The following AGK variants were observed in gnomAD, a reference collection of about 807,000 sequenced individuals.
AGK encodes the protein acylglycerol kinase, mitochondrial.
Under a neutral mutation model 66.4 loss-of-function variants are expected in AGK, and 52 were observed. That is an observed-to-expected ratio of 0.78 (90% CI 0.63 to 0.99). The LOEUF (loss-of-function observed/expected upper bound fraction) is 0.99. AGK is among the 50% of genes least tolerant of loss of function. The pLI is 0.00. For missense variants in AGK, 451 were observed against 506.6 expected (o/e 0.89, Z 1.05); for synonymous variants, 182 against 181.1 (o/e 1.00, Z -0.04).
At chr7:141,552,185 T>C (rs903568542) in intron 1 of AGK, among the ~76,000 whole-genome samples, 2 of 152,256 alleles carry the variant, frequency 1.3e-5, no homozygotes, top group Non-Finnish European at 1.5e-5. Context: ...AACTTCCTAA[T>C]GGTTCTCTTT....
rs970134804 is a variant in AGK at position 141,646,232 on chromosome 7, C to A, written c.976-3031C>A. ...GGTTTACGGAGGTGTCCTCTGGAAT[C>A]TTCAGCTGAGTACTGACAGGTGCAT... On this transcript the variant is annotated intron_variant, in intron 13 of 15. Coordinates refer to ENST00000649286, the MANE Select transcript of AGK (RefSeq NM_018238.4). Among the ~76,000 whole-genome samples, 3 of 152,160 alleles carry A rather than the reference C, an allele frequency of 2.0e-5. No individual in the cohort carries two copies. The South Asian group carries it at 6.2e-4, about 32-fold the overall frequency.
At position 141,619,256 on chromosome 7, in the gene AGK, A is replaced by G. The variant is rs890806973; in HGVS notation, c.519-2476A>G. ...ATAATCAAAATAATTTTGAAAAAGAACAAAGTTTAAGGATTTACCCTATCT... is the reference window on the plus strand; with the variant it reads ...ATAATCAAAATAATTTTGAAAAAGAGCAAAGTTTAAGGATTTACCCTATCT... On this transcript the variant is annotated intron_variant, in intron 8 of 15. Coordinates refer to ENST00000649286, the MANE Select transcript of AGK (RefSeq NM_018238.4). 5.9e-5 allele frequency among the ~76,000 whole-genome samples: 9 copies of G among 152,168 alleles called. 1 individual carries two copies. Among genetic ancestry groups the G allele is most frequent in the African/African-American group, 2.2e-4 (9 of 41,454 alleles).
At chr7:141,571,867 T>C (rs748170960) in intron 2 of AGK, among the ~76,000 whole-genome samples, 6 of 152,186 alleles carry the variant, frequency 3.9e-5, no homozygotes, top group Non-Finnish European at 8.8e-5. Flanking sequence ...CAAAGAAAGC[T>C]CTCAGACAGA....
At chr7:141,586,613 A>G (rs1260945557) in intron 2 of AGK, among the ~76,000 whole-genome samples, 2 of 152,188 alleles carry the variant, frequency 1.3e-5, no homozygotes, top group Non-Finnish European at 2.9e-5. Context: ...GTGGTGGGGT[A>G]AGGGCATGGG....
chr7:141,609,003 T>A (rs1213510160), intron 5 of AGK, among the ~76,000 whole-genome samples: 8 of 152,208 alleles, frequency 5.3e-5, no homozygotes, highest in Admixed American at 5.2e-4. Flanking sequence ...TACATTTTTT[T>A]AAAAGTCAAA....
chr7:141,574,658 G>A (rs1208032081), intron 2 of AGK, among the ~76,000 whole-genome samples: 2 of 152,298 alleles, frequency 1.3e-5, no homozygotes, highest in African/African-American at 4.8e-5. Flanking sequence ...GCCTCCAGGC[G>A]ATACATTTTT....
chr7:141,652,639 A>G lies in AGK; in HGVS notation c.1132-148A>G, dbSNP rs577814814. 362 of 755,896 alleles carry G rather than the reference A, an allele frequency of 4.8e-4. 3 individuals are homozygous for G. In the South Asian group the frequency reaches 7.5e-3, roughly 16 times the overall value. The allele number at this position is 755,896 out of a possible 1,614,324, so 46.8% of individuals were successfully genotyped here. A position where few individuals can be genotyped will look rare whatever the true frequency, so the allele number is the denominator to read the frequency against. On this transcript the variant is annotated intron_variant, in intron 15 of 15. Transcript: ENST00000649286. ...CTGTGCCCATCGTAGTAGGCACTGA[A>G]TTTTTTTTTGTAAAAGAACATTAGG...
intron 14 of AGK, chr7:141,650,488 A>T: frequency 1.0e-6 from 1 of 985,316 alleles, no homozygotes; most frequent in Non-Finnish European, 1.2e-6. Context: ...GAAATCAAGT[A>T]ATGTCTGTTT....
chr7:141,635,227 T>C (rs1797144796), intron 10 of AGK, among the ~76,000 whole-genome samples: 2 of 152,212 alleles, frequency 1.3e-5, no homozygotes, highest in Non-Finnish European at 2.9e-5. Flanking sequence ...CTGATTGTTA[T>C]TATGTGCTAC....
chr7:141,590,449 G>C (rs375791674), intron 2 of AGK, among the ~76,000 whole-genome samples: 2 of 152,174 alleles, frequency 1.3e-5, no homozygotes, highest in African/African-American at 4.8e-5. Context: ...TGAAAGCAGT[G>C]GCCGGTGGGA....
At chr7:141,597,751 CGTG>C in intron 4 of AGK, among the ~76,000 whole-genome samples, 1 of 151,362 alleles carries the variant, frequency 6.6e-6, no homozygotes, top group Non-Finnish European at 1.5e-5. Context: ...ATTAGACACA[CGTG>C]GTAGCATTTA....
At chr7:141,583,937 C>G (rs544753796) in intron 2 of AGK, among the ~76,000 whole-genome samples, 37 of 151,888 alleles carry the variant, frequency 2.4e-4, no homozygotes, top group African/African-American at 8.7e-4. Flanking sequence ...GCTGGTTGGT[C>G]TGAGGACCTG....
chr7:141,596,650 G>A lies in AGK; in HGVS notation c.221+9G>A, dbSNP rs200123164. On this transcript the variant is annotated intron_variant, in intron 4 of 15. Transcript: ENST00000649286. ...CCTGCAGCTTGCAAAGGGTAGTTCC[G>A]TTTGTGACTTGTTATATACTTGCTT... The A allele has an allele frequency of 3.6e-5, 58 of 1,612,146 alleles. 2 individuals carry two copies. The highest frequency in any genetic ancestry group is 3.5e-4 in the South Asian group (32 of 90,990).
rs1224379252 is a variant in AGK at position 141,603,828 on chromosome 7, C to G, written c.297+2548C>G. 2.6e-5 allele frequency among the ~76,000 whole-genome samples: 4 copies of G among 152,302 alleles called. No individual in the cohort carries two copies. In the East Asian group the frequency reaches 7.7e-4, roughly 29 times the overall value. On this transcript the variant is annotated intron_variant, in intron 5 of 15. Transcript: ENST00000649286. ...TATCTTGACATGGTAGCTCGGTTCC[C>G]TGAAGTCAGTTACAGATATCCTCTA...
intron 13 of AGK, among the ~76,000 whole-genome samples, chr7:141,647,921 T>G (rs1346934612): frequency 6.6e-6 from 1 of 152,222 alleles, no homozygotes. Context: ...TCCGCCCGCC[T>G]CGGCCTCCCA....
intron 2 of AGK, among the ~76,000 whole-genome samples, chr7:141,558,724 A>G (rs1795272609): frequency 1.3e-5 from 2 of 152,138 alleles, no homozygotes; most frequent in South Asian, 2.1e-4. Context: ...ATTGTGGCTC[A>G]TCATTTTACA....
intron 4 of AGK, among the ~76,000 whole-genome samples, chr7:141,600,651 T>A (rs1281918986): frequency 6.6e-6 from 1 of 152,220 alleles, no homozygotes; most frequent in Non-Finnish European, 1.5e-5. Flanking sequence ...ACGCTTCCAG[T>A]CTAGTCCTGA....
At chr7:141,633,274 G>A (rs1797097428) in intron 9 of AGK, among the ~76,000 whole-genome samples, 1 of 152,098 alleles carries the variant, frequency 6.6e-6, no homozygotes, top group Non-Finnish European at 1.5e-5. Flanking sequence ...AAGGTTCAGG[G>A]TAGAGTATAA....
chr7:141,578,370 C>A (rs1243631794), intron 2 of AGK, among the ~76,000 whole-genome samples: 3 of 151,840 alleles, frequency 2.0e-5, no homozygotes, highest in African/African-American at 4.9e-5. Flanking sequence ...CAGGGACCGG[C>A]CATTTTCACT....
Sources: gnomAD v4.1 joint callset for allele counts (sites outside exome capture counted in the v4.1 genomes callset) on GRCh38, gnomAD v4.1.1 for gene constraint, MANE v1.5 for transcripts, NCBI Gene and HGNC (gene_info 2026-07-23, HGNC 2026-07-21) for gene names.